FRMD4A: variants seen among roughly 807,000 people sequenced by gnomAD.
FRMD4A encodes the protein FERM domain containing 4A.
In FRMD4A, 29 loss-of-function variants were observed where a neutral mutation model predicts 129.1. The ratio of observed to expected loss-of-function variants is 0.22; its 90% confidence interval spans 0.17 to 0.31. The LOEUF (loss-of-function observed/expected upper bound fraction) is 0.31, where lower values mean the gene tolerates loss of function less well. Ranked by LOEUF, FRMD4A falls within the 10% of genes least tolerant of loss-of-function variation. FRMD4A has a pLI of 1.00. For missense variants in FRMD4A, 1,272 were observed against 1,375.8 expected (o/e 0.92, Z 1.19); for synonymous variants, 634 against 571.6 (o/e 1.11, Z -1.56).
chr10:13,906,042 C>T (rs556487168), intron 2 of FRMD4A, among the ~76,000 whole-genome samples: 3 of 152,174 alleles, frequency 2.0e-5, no homozygotes, highest in African/African-American at 2.4e-5. Context: ...TCAACAGGGC[C>T]GAGCCCCATG....
At position 13,723,480 on chromosome 10, in the gene FRMD4A, A is replaced by T. The variant is rs558803818; in HGVS notation, c.759+14364T>A. Among the ~76,000 whole-genome samples the T allele has an allele frequency of 1.3e-4, 20 of 152,266 alleles. No homozygotes were observed. The East Asian group carries it at 3.3e-3, about 25-fold the overall frequency. ...AAGAGGAGTTATTGTTTCATGGGTA[A>T]AGTTTCAGCTTTGCAAGATGACAAG... is the stretch of plus-strand genomic sequence containing the variant. On this transcript the variant is annotated intron_variant, in intron 12 of 24. Transcript: ENST00000357447.
chr10:14,279,730 T>A (rs999445436), intron 2 of FRMD4A, among the ~76,000 whole-genome samples: 5 of 152,214 alleles, frequency 3.3e-5, no homozygotes, highest in South Asian at 2.1e-4. Context: ...TAACTCTATG[T>A]GGAGTCAATG....
chr10:13,905,703 T>G (rs1323098551), intron 2 of FRMD4A, among the ~76,000 whole-genome samples: 1 of 152,202 alleles, frequency 6.6e-6, no homozygotes, highest in Non-Finnish European at 1.5e-5. Flanking sequence ...GATTCGGAAA[T>G]GGAGGCTCAG....
At chr10:14,145,485 T>G (rs1840031824) in intron 2 of FRMD4A, among the ~76,000 whole-genome samples, 1 of 152,114 alleles carries the variant, frequency 6.6e-6, no homozygotes, top group East Asian at 1.9e-4. Flanking sequence ...AGACCCAGGC[T>G]GGGGGTGAAT....
chr10:14,018,968 T>C (rs1324399125), intron 2 of FRMD4A, among the ~76,000 whole-genome samples: 4 of 152,198 alleles, frequency 2.6e-5, no homozygotes, highest in South Asian at 4.2e-4. Context: ...ATTAGTTAAG[T>C]GTGAGGGCAG....
chr10:13,754,573 T>C (rs1190363563), intron 8 of FRMD4A, among the ~76,000 whole-genome samples: 2 of 137,744 alleles, frequency 1.5e-5, no homozygotes, highest in East Asian at 4.1e-4. Context: ...CTTTCGTGTG[T>C]GTGTGTGTGT....
chr10:13,785,883 G>A (rs975209487), intron 5 of FRMD4A, among the ~76,000 whole-genome samples: 3 of 150,650 alleles, frequency 2.0e-5, no homozygotes, highest in Non-Finnish European at 2.9e-5. Flanking sequence ...TTGGTTTTCT[G>A]TCCTTGTGAC....
intron 18 of FRMD4A, among the ~76,000 whole-genome samples, chr10:13,665,235 C>T (rs1345031606): frequency 2.0e-5 from 3 of 152,004 alleles, no homozygotes; most frequent in Non-Finnish European, 4.4e-5. Flanking sequence ...TGTTGCGTAA[C>T]CGTCACCACC....
At chr10:13,660,627 C>A in intron 19 of FRMD4A, 74 bp from the exon 20 acceptor site, 1 of 868,794 alleles carries the variant, frequency 1.2e-6, no homozygotes, top group Non-Finnish European at 1.9e-6. Flanking sequence ...CCCCTACACC[C>A]CTCCACCCGC....
chr10:13,987,871 T>C (rs1332988493), intron 2 of FRMD4A, among the ~76,000 whole-genome samples: 3 of 152,210 alleles, frequency 2.0e-5, no homozygotes, highest in Non-Finnish European at 4.4e-5. Context: ...GTTTGCTTCC[T>C]ACCTACAATT....
chr10:14,260,023 C>CAAAAAA (rs11288245), intron 2 of FRMD4A, among the ~76,000 whole-genome samples: 3 of 132,764 alleles, frequency 2.3e-5, no homozygotes, highest in African/African-American at 2.8e-5. Context: ...CTAGAAATGG[C>CAAAAAA]AAAAAAAAAA....
At chr10:13,813,397 C>T (rs982441483) in intron 3 of FRMD4A, among the ~76,000 whole-genome samples, 48 of 152,196 alleles carry the variant, frequency 3.2e-4, no homozygotes, top group Admixed American at 5.2e-4. Context: ...GTAGAGATCA[C>T]GTCACTGCAC....
intron 6 of FRMD4A, among the ~76,000 whole-genome samples, chr10:13,778,755 C>T (rs978959768): frequency 6.6e-6 from 1 of 152,080 alleles, no homozygotes; most frequent in Non-Finnish European, 1.5e-5. Flanking sequence ...CAGACAAGCG[C>T]ACGAGGAGAG....
intron 2 of FRMD4A, among the ~76,000 whole-genome samples, chr10:14,221,717 G>T (rs903709322): frequency 1.5e-4 from 4 of 26,934 alleles, no homozygotes; most frequent in Non-Finnish European, 3.2e-4. Flanking sequence ...ACAGTACCAC[G>T]CCGGGTAATT....
chr10:14,194,605 T>C (rs1257335136), intron 2 of FRMD4A, among the ~76,000 whole-genome samples: 7 of 152,152 alleles, frequency 4.6e-5, no homozygotes, highest in Non-Finnish European at 7.3e-5. Context: ...AGCGAGACTC[T>C]GTCTCAACAA....
chr10:14,270,251 T>C (rs1845118620), intron 2 of FRMD4A, among the ~76,000 whole-genome samples: 1 of 152,236 alleles, frequency 6.6e-6, no homozygotes, highest in Non-Finnish European at 1.5e-5. Context: ...ACTGCACAGT[T>C]GAATGAGCCA....
intron 2 of FRMD4A, chr10:13,890,853 CTAT>C: frequency 1.0e-6 from 1 of 985,230 alleles, no homozygotes. Flanking sequence ...GTCGCCAGAG[CTAT>C]TATTAGCACA....
At chr10:13,915,410 C>T (rs2610820) in intron 2 of FRMD4A, among the ~76,000 whole-genome samples, 145,869 of 151,510 alleles carry the variant, frequency 0.96, 70,451 homozygotes, top group East Asian at 1. Context: ...CGGTGGCTCA[C>T]GCCTGTAATC....
At chr10:13,908,830 C>T (rs889706603) in intron 2 of FRMD4A, among the ~76,000 whole-genome samples, 2 of 152,162 alleles carry the variant, frequency 1.3e-5, no homozygotes, top group Non-Finnish European at 2.9e-5. Flanking sequence ...AGATAAACAA[C>T]AAGTTCATGT....
Sources: gnomAD v4.1 joint callset for allele counts (sites outside exome capture counted in the v4.1 genomes callset) on GRCh38, gnomAD v4.1.1 for gene constraint, MANE v1.5 for transcripts, NCBI Gene and HGNC (gene_info 2026-07-23, HGNC 2026-07-21) for gene names.